The following FAM117B variants were observed in gnomAD, a reference collection of about 807,000 sequenced individuals.
The protein encoded by FAM117B is family with sequence similarity 117 member B.
Under a neutral mutation model 52.8 loss-of-function variants are expected in FAM117B, and 22 were observed. That is an observed-to-expected ratio of 0.42 (90% CI 0.30 to 0.59). FAM117B has a LOEUF of 0.59. Among genes scored for constraint, FAM117B ranks in the 20% least tolerant of loss-of-function variants. FAM117B has a pLI of 0.22. For synonymous variants in FAM117B, 309 were observed against 324.1 expected, an observed-to-expected ratio of 0.95 and a Z score of 0.50; for missense variants, 678 against 802.6, an observed-to-expected ratio of 0.84 and a Z score of 1.88.
chr2:202,721,163 A>G (rs1691145886), intron 2 of FAM117B, among the ~76,000 whole-genome samples: 1 of 152,148 alleles, frequency 6.6e-6, no homozygotes, highest in Non-Finnish European at 1.5e-5. Context: ...ACTATATTTG[A>G]GAACCTCTAT....
intron 2 of FAM117B, among the ~76,000 whole-genome samples, chr2:202,698,483 C>A (rs944310175): frequency 6.6e-6 from 1 of 151,896 alleles, no homozygotes; most frequent in African/African-American, 2.4e-5. Flanking sequence ...AGTGCAGTGG[C>A]CTGATCTCAG....
chr2:202,662,241 G>A (rs1240056103), intron 1 of FAM117B, among the ~76,000 whole-genome samples: 1 of 152,058 alleles, frequency 6.6e-6, no homozygotes, highest in Admixed American at 6.6e-5. Context: ...GGCAGCATGG[G>A]TGAATCTGGA....
intron 2 of FAM117B, among the ~76,000 whole-genome samples, chr2:202,701,067 G>A (rs898057794): frequency 6.6e-6 from 1 of 152,150 alleles, no homozygotes; most frequent in Non-Finnish European, 1.5e-5. Flanking sequence ...TAGCTAGAGA[G>A]AAGTCAATGC....
chr2:202,753,583 C>T (rs1238407608), intron 4 of FAM117B, among the ~76,000 whole-genome samples: 2 of 152,132 alleles, frequency 1.3e-5, no homozygotes, highest in African/African-American at 4.8e-5. Context: ...AGGCAACCTA[C>T]AGAATGGGAG....
intron 4 of FAM117B, among the ~76,000 whole-genome samples, chr2:202,754,888 C>CAAAAAAA (rs149747057): frequency 3.5e-5 from 3 of 85,702 alleles, no homozygotes; most frequent in Admixed American, 1.6e-4. Flanking sequence ...AGATTCGTCT[C>CAAAAAAA]AAAAAAAAAA....
intron 1 of FAM117B, among the ~76,000 whole-genome samples, chr2:202,655,785 T>TGC (rs372183647): frequency 6.9e-6 from 1 of 145,608 alleles, no homozygotes; most frequent in African/African-American, 2.6e-5. Context: ...TGTGTGTGTG[T>TGC]TGAAGACTAG....
chr2:202,660,813 C>T (rs1345957154), intron 1 of FAM117B, among the ~76,000 whole-genome samples: 1 of 152,212 alleles, frequency 6.6e-6, no homozygotes, highest in Admixed American at 6.5e-5. Flanking sequence ...CTCAGTTCCT[C>T]TGGTCAGAGG....
intron 1 of FAM117B, among the ~76,000 whole-genome samples, chr2:202,648,053 C>T (rs1053296855): frequency 6.6e-6 from 1 of 152,062 alleles, no homozygotes; most frequent in Non-Finnish European, 1.5e-5. Flanking sequence ...TCCCCTACTC[C>T]ATTCTTTCTT....
chr2:202,747,150 T>C (rs1192069589), intron 4 of FAM117B, among the ~76,000 whole-genome samples: 3 of 152,022 alleles, frequency 2.0e-5, no homozygotes, highest in African/African-American at 7.3e-5. Context: ...ATGTGATATA[T>C]CACATCAACA....
chr2:202,691,188 G>A (rs1048896479), intron 1 of FAM117B, among the ~76,000 whole-genome samples: 7 of 152,144 alleles, frequency 4.6e-5, no homozygotes, highest in African/African-American at 1.7e-4. Flanking sequence ...GCCAAGGTGG[G>A]CAGGATCACC....
chr2:202,759,415 G>C, intron 7 of FAM117B, 62 bp downstream of exon 7: 2 of 1,574,978 alleles, frequency 1.3e-6, no homozygotes, highest in Non-Finnish European at 1.7e-6. Flanking sequence ...TTTGAGATAG[G>C]ATCTCACTCT....
rs142031541 is a variant in FAM117B at position 202,716,541 on chromosome 2, CTGT to C, written c.754-8369_754-8367del. ...TTCTTGCTTTTTATTTTTAGTGTAT[CTGT>C]TGTTGTATGTTTTTTGATTTGAGGT... is the stretch of plus-strand genomic sequence containing the variant. On this transcript the variant is annotated intron_variant, in intron 2 of 7. Coordinates refer to ENST00000392238, the MANE Select transcript of FAM117B (RefSeq NM_173511.4). Among the ~76,000 whole-genome samples, 1,294 of 151,864 alleles carry C rather than the reference CTGT, an allele frequency of 8.5e-3. 24 individuals carry two copies. Among genetic ancestry groups the C allele is most frequent in the African/African-American group, 0.029 (1,219 of 41,392 alleles).
At chr2:202,754,478 A>G (rs1238461050) in intron 4 of FAM117B, among the ~76,000 whole-genome samples, 1 of 152,158 alleles carries the variant, frequency 6.6e-6, no homozygotes, top group Non-Finnish European at 1.5e-5. Flanking sequence ...CTGCACATGT[A>G]TCTTATTTTT....
intron 4 of FAM117B, among the ~76,000 whole-genome samples, chr2:202,742,967 G>C (rs980293259): frequency 2.6e-5 from 4 of 152,162 alleles, no homozygotes; most frequent in Admixed American, 1.3e-4. Flanking sequence ...CCTGGAGACT[G>C]ACCTACTCAG....
At chr2:202,643,384 C>CT (rs1689797599) in intron 1 of FAM117B, among the ~76,000 whole-genome samples, 1 of 151,988 alleles carries the variant, frequency 6.6e-6, no homozygotes, top group African/African-American at 2.4e-5. Flanking sequence ...ATTTTTTTCT[C>CT]TGAGGAGGGG....
chr2:202,721,008 A>C (rs1691143774), intron 2 of FAM117B, among the ~76,000 whole-genome samples: 1 of 152,218 alleles, frequency 6.6e-6, no homozygotes, highest in Admixed American at 6.5e-5. Flanking sequence ...TTACACACAA[A>C]ATATCATATT....
At chr2:202,723,424 A>G (rs1047818019) in intron 2 of FAM117B, among the ~76,000 whole-genome samples, 1 of 152,198 alleles carries the variant, frequency 6.6e-6, no homozygotes, top group Non-Finnish European at 1.5e-5. Flanking sequence ...AGCCACTGGT[A>G]CCAATTTTCT....
chr2:202,666,354 T>C (rs888051585), intron 1 of FAM117B, among the ~76,000 whole-genome samples: 2 of 151,972 alleles, frequency 1.3e-5, no homozygotes, highest in Non-Finnish European at 2.9e-5. Context: ...GAAGTTTGCA[T>C]TGGAAAAATA....
intron 1 of FAM117B, among the ~76,000 whole-genome samples, chr2:202,638,502 G>A (rs1477776169): frequency 1.3e-5 from 2 of 152,010 alleles, no homozygotes; most frequent in Admixed American, 6.6e-5. Flanking sequence ...CATGGTTTTT[G>A]AACGCTCCCC....
Sources: allele counts gnomAD v4.1 joint callset (sites outside exome capture counted in the v4.1 genomes callset), GRCh38; gene constraint gnomAD v4.1.1; transcripts MANE v1.5; gene names NCBI Gene and HGNC (gene_info 2026-07-23, HGNC 2026-07-21).